Variants in SNED1 observed in about 807,000 individuals in gnomAD.
The protein encoded by SNED1 is sushi, nidogen and EGF like domains 1, also known as sushi, nidogen and EGF-like domain-containing protein 1.
In SNED1, 81 loss-of-function variants were observed where a neutral mutation model predicts 166.7. That is an observed-to-expected ratio of 0.49 (90% CI 0.41 to 0.58). The LOEUF (loss-of-function observed/expected upper bound fraction) is 0.58, where lower values mean the gene tolerates loss of function less well. Among genes scored for constraint, SNED1 ranks in the 20% least tolerant of loss-of-function variants. SNED1 has a pLI of 0.00. For missense variants in SNED1, 1,604 were observed against 2,000.2 expected (o/e 0.80, Z 3.78); for synonymous variants, 762 against 822.0 (o/e 0.93, Z 1.25).
Position 241,013,766 on chromosome 2 carries a change from T to C in SNED1, c.213+14716T>C, listed in dbSNP as rs912378991. Among the ~76,000 whole-genome samples the C allele has an allele frequency of 3.9e-5, 6 of 152,262 alleles. No homozygotes were observed. In the South Asian group the frequency reaches 8.3e-4, roughly 21 times the overall value. On this transcript the variant is annotated intron_variant, in intron 1 of 31. Coordinates refer to ENST00000310397, the MANE Select transcript of SNED1 (RefSeq NM_001080437.3). The surrounding 1 kb of genome is among the most constrained non-coding windows in gnomAD (Gnocchi z 4.6). ...GCAGGATCCCTCTCTTTGTCATGGC[T>C]GAATAATATTCCCTTGTGTGTACAT...
At chr2:241,067,485 C>G (rs1053780349) in intron 21 of SNED1, among the ~76,000 whole-genome samples, 7 of 152,250 alleles carry the variant, frequency 4.6e-5, no homozygotes, top group African/African-American at 1.7e-4. Context: ...ACTGCCACAT[C>G]TAAATGGAGA....
At chr2:241,001,260 C>G (rs910424564) in intron 1 of SNED1, among the ~76,000 whole-genome samples, 2 of 152,248 alleles carry the variant, frequency 1.3e-5, no homozygotes, top group Admixed American at 1.3e-4. Context: ...AATGAATGTG[C>G]CTCCCTCTGA....
rs187672899 is a variant in SNED1 at position 241,084,496 on chromosome 2, C to T, written c.4121+2132C>T. ...ACCATACACATCTTCAACTTCACGCCGCATACCTTTAATCACTAGTAGACA... is the reference window on the plus strand; with the variant it reads ...ACCATACACATCTTCAACTTCACGCTGCATACCTTTAATCACTAGTAGACA... On this transcript the variant is annotated intron_variant, in intron 29 of 31. Transcript: ENST00000310397. 3.3e-5 allele frequency among the ~76,000 whole-genome samples: 5 copies of T among 152,218 alleles called. No individual in the cohort carries two copies. The East Asian group carries it at 9.7e-4, about 29-fold the overall frequency.
intron 1 of SNED1, among the ~76,000 whole-genome samples, chr2:241,006,019 A>G (rs1406819410): frequency 2.6e-5 from 4 of 152,166 alleles, no homozygotes; most frequent in Admixed American, 6.5e-5. Context: ...CTCAAATTGT[A>G]TGTACATTAA....
intron 6 of SNED1, 119 bp downstream of exon 6, chr2:241,037,472 GC>G (rs1201672628): frequency 1.8e-5 from 12 of 682,864 alleles, no homozygotes; most frequent in Non-Finnish European, 2.5e-6. Context: ...AAGGTAGACA[GC>G]CCAGAGAAGC....
chr2:241,038,916 C>T (rs948608039), intron 6 of SNED1, among the ~76,000 whole-genome samples: 8 of 152,230 alleles, frequency 5.3e-5, no homozygotes, highest in African/African-American at 1.9e-4. Flanking sequence ...GGCTATGCCC[C>T]AGGCTCCAGG....
In SNED1 at chr2:241,069,824, A is replaced by G; in HGVS notation, c.3308-96A>G. 1 of 1,408,054 alleles carries G rather than the reference A, an allele frequency of 7.1e-7. No homozygotes were observed. The highest frequency in any genetic ancestry group is 1.3e-5 in the South Asian group (1 of 75,940). 87.2% of individuals were successfully genotyped at this position (1,408,054 alleles called of 1,614,324 possible). On this transcript the variant is annotated intron_variant, in intron 23 of 31. Coordinates refer to ENST00000310397, the MANE Select transcript of SNED1 (RefSeq NM_001080437.3). This position sits in a 1 kb window ranked among gnomAD's most constrained non-coding sequence, Gnocchi z 4.9. ...CATAATAAAGAATCTGGCTTCCAGC[A>G]AGGCTGCGGCAGCCCATGTCCGGTT...
chr2:241,025,860 G>A (rs2060946737), intron 1 of SNED1, among the ~76,000 whole-genome samples: 1 of 151,548 alleles, frequency 6.6e-6, no homozygotes, highest in Non-Finnish European at 1.5e-5. Context: ...TGCCCCTAAT[G>A]GTAACCTGTT....
chr2:241,040,555 C>A, intron 8 of SNED1, 142 bp downstream of exon 8: 1 of 620,640 alleles, frequency 1.6e-6, no homozygotes, highest in Non-Finnish European at 2.8e-6. Context: ...CCTCTGCCCC[C>A]TTCCCACTCC....
rs539621126 is a variant in SNED1 at position 241,071,307 on chromosome 2, A to T, written c.3590-269A>T. 6 of 554,138 alleles carry T rather than the reference A, an allele frequency of 1.1e-5. No homozygotes were observed. In the East Asian group the frequency reaches 1.8e-4, roughly 17 times the overall value. The allele number at this position is 554,138 out of a possible 1,614,324, so 34.3% of individuals were successfully genotyped here. ...GAGTGACGGGCAGGGGCCTAGACTC[A>T]GCCCTGCCTCATGACTCCCAGGCCA... On this transcript the variant is annotated intron_variant, in intron 24 of 31. Coordinates refer to ENST00000310397, the MANE Select transcript of SNED1 (RefSeq NM_001080437.3).
intron 31 of SNED1, chr2:241,090,480 C>A: frequency 2.0e-6 from 3 of 1,510,152 alleles, no homozygotes; most frequent in Non-Finnish European, 2.7e-6. Flanking sequence ...ATAGTAAATA[C>A]GTAAACCAGT....
chr2:241,014,454 T>G (rs535293948), intron 1 of SNED1, among the ~76,000 whole-genome samples: 1 of 152,308 alleles, frequency 6.6e-6, no homozygotes, highest in Admixed American at 6.5e-5. Flanking sequence ...CGGCCGACGC[T>G]TCTGCAAATG....
At chr2:241,005,600 T>C (rs2060200870) in intron 1 of SNED1, among the ~76,000 whole-genome samples, 1 of 152,122 alleles carries the variant, frequency 6.6e-6, no homozygotes, top group Non-Finnish European at 1.5e-5. Flanking sequence ...TCACTGTTTT[T>C]TTAAAATCTG....
Position 241,051,591 on chromosome 2 carries a change from G to T in SNED1, c.1736-153G>T, listed in dbSNP as rs2061842090. The T allele has an allele frequency of 1.7e-6, 1 of 572,364 alleles. No individual in the cohort carries two copies. The highest frequency in any genetic ancestry group is 2.7e-5 in the South Asian group (1 of 36,820). The allele number at this position is 572,364 out of a possible 1,614,324, so 35.5% of individuals were successfully genotyped here. On this transcript the variant is annotated intron_variant, in intron 12 of 31. Coordinates refer to ENST00000310397, the MANE Select transcript of SNED1 (RefSeq NM_001080437.3). This position sits in a 1 kb window ranked among gnomAD's most constrained non-coding sequence, Gnocchi z 4.7. ...CACCCCAGCCCCCACCATGTGTGCG[G>T]ACCTGCTTGGCCCCTGCTGCAGCCA... is the stretch of plus-strand genomic sequence containing the variant.
intron 1 of SNED1, chr2:241,016,128 T>TAAAGTTAATTTAATGGCAAA (rs1559222586): frequency 1.1e-4 from 16 of 152,096 alleles, no homozygotes; most frequent in South Asian, 6.2e-4. Flanking sequence ...ATTAAATTAA[T>TAAAGTTAATTTAATGGCAAA]TGGTTTTCTG....
rs773366598 is a variant in SNED1 at position 241,048,805 on chromosome 2, C to T, written c.1504+39C>T. The T allele has an allele frequency of 5.3e-6, 8 of 1,502,452 alleles. No individual in the cohort carries two copies. The Admixed American group carries it at 1.5e-4, about 27-fold the overall frequency. The allele number at this position is 1,502,452 out of a possible 1,614,324, so 93.1% of individuals were successfully genotyped here. On this transcript the variant is annotated intron_variant, in intron 10 of 31. Transcript: ENST00000310397. ...TCACCCTTCCTGCCCTGTCCCTGAG[C>T]ATCCTCATAATCGGGAAATGAATGG...
rs1393501154 is a variant in SNED1 at position 241,068,298 on chromosome 2, C to T, written c.3194+351C>T. Among the ~76,000 whole-genome samples the T allele has an allele frequency of 6.7e-6, 1 of 149,260 alleles. No individual in the cohort carries two copies. The highest frequency in any genetic ancestry group is 1.9e-4 in the East Asian group (1 of 5,158). ...CAGCGAGGGTAGATGGTAGCAGCCCCGAGCTCTCCCAGGAGTCCCACAGTG... is the reference window on the plus strand; with the variant it reads ...CAGCGAGGGTAGATGGTAGCAGCCCTGAGCTCTCCCAGGAGTCCCACAGTG... On this transcript the variant is annotated intron_variant, in intron 22 of 31. Transcript: ENST00000310397. This position sits in a 1 kb window ranked among gnomAD's most constrained non-coding sequence, Gnocchi z 5.3.
intron 1 of SNED1, among the ~76,000 whole-genome samples, chr2:241,010,902 C>T (rs979083851): frequency 3.3e-5 from 5 of 152,148 alleles, no homozygotes; most frequent in African/African-American, 9.7e-5. Flanking sequence ...CAGGCAGAGC[C>T]GGGACCCCAA....
chr2:241,045,345 A>G (rs1574972817), intron 8 of SNED1, among the ~76,000 whole-genome samples: 1 of 152,346 alleles, frequency 6.6e-6, no homozygotes. Context: ...TAGAAAACCA[A>G]AACAATTTTG....
Sources: allele counts gnomAD v4.1 joint callset (sites outside exome capture counted in the v4.1 genomes callset), GRCh38; gene constraint gnomAD v4.1.1; non-coding constraint Gnocchi (gnomAD v3.1); transcripts MANE v1.5; gene names NCBI Gene and HGNC (gene_info 2026-07-23, HGNC 2026-07-21).